Variants in CALCR observed in about 807,000 individuals in gnomAD.
The protein encoded by CALCR is calcitonin receptor.
In CALCR, 47 loss-of-function variants were observed where a neutral mutation model predicts 59.5. The ratio of observed to expected loss-of-function variants is 0.79; its 90% CI spans 0.63 to 1.01. The LOEUF (loss-of-function observed/expected upper bound fraction) is 1.01, where lower values mean the gene tolerates loss of function less well. CALCR is among the 50% of genes least tolerant of loss of function. The pLI is 0.00. For synonymous variants in CALCR, 213 were observed against 211.3 expected (o/e 1.01, Z -0.07); for missense variants, 566 against 597.1 (o/e 0.95, Z 0.54).
At chr7:93,564,709 C>G (rs1789822629) in intron 2 of CALCR, among the ~76,000 whole-genome samples, 1 of 151,912 alleles carries the variant, frequency 6.6e-6, no homozygotes, top group Non-Finnish European at 1.5e-5. Flanking sequence ...CTGCCTCAGC[C>G]TCCCAAAATA....
chr7:93,458,646 G>A (rs1169893189), intron 8 of CALCR, among the ~76,000 whole-genome samples: 4 of 152,058 alleles, frequency 2.6e-5, no homozygotes, highest in African/African-American at 9.7e-5. Context: ...CCTTTTGTGG[G>A]GTTGCCATAG....
chr7:93,521,246 C>T (rs1017192340), intron 2 of CALCR, among the ~76,000 whole-genome samples: 7 of 151,996 alleles, frequency 4.6e-5, no homozygotes, highest in Non-Finnish European at 1.0e-4. Context: ...CTGGGTGGAC[C>T]GTACCTCTGT....
At chr7:93,505,887 G>T (rs150915013) in intron 2 of CALCR, among the ~76,000 whole-genome samples, 22 of 152,276 alleles carry the variant, frequency 1.4e-4, no homozygotes, top group African/African-American at 5.1e-4. Context: ...CAGGTAACAA[G>T]GTGCCAGCTA....
At chr7:93,555,935 A>T (rs139382328) in intron 2 of CALCR, among the ~76,000 whole-genome samples, 1 of 152,334 alleles carries the variant, frequency 6.6e-6, no homozygotes, top group Non-Finnish European at 1.5e-5. Context: ...TAGAACAATA[A>T]TGAAAAGAGT....
At chr7:93,437,305 G>T (rs1274557442) in intron 11 of CALCR, among the ~76,000 whole-genome samples, 1 of 151,940 alleles carries the variant, frequency 6.6e-6, no homozygotes, top group Admixed American at 6.6e-5. Flanking sequence ...TTTATTAGGA[G>T]ATATTTTATA....
At chr7:93,511,998 C>G (rs942058001) in intron 2 of CALCR, among the ~76,000 whole-genome samples, 1 of 152,086 alleles carries the variant, frequency 6.6e-6, no homozygotes, top group Non-Finnish European at 1.5e-5. Context: ...CATAAATCCG[C>G]CCAGTTTTAA....
At chr7:93,518,280 A>T (rs1231357444) in intron 2 of CALCR, among the ~76,000 whole-genome samples, 1 of 151,790 alleles carries the variant, frequency 6.6e-6, no homozygotes, top group Non-Finnish European at 1.5e-5. Flanking sequence ...TATTCACAAC[A>T]TATGTGACAG....
At chr7:93,435,721 G>A (rs1476215267) in intron 12 of CALCR, among the ~76,000 whole-genome samples, 1 of 151,868 alleles carries the variant, frequency 6.6e-6, no homozygotes, top group East Asian at 1.9e-4. Context: ...TGGGAGAATT[G>A]CTTGAGCCCG....
At chr7:93,532,711 C>CA in intron 2 of CALCR, among the ~76,000 whole-genome samples, 1 of 151,598 alleles carries the variant, frequency 6.6e-6, no homozygotes, top group Admixed American at 6.6e-5. Flanking sequence ...AGATTGTGGC[C>CA]TATGGAAGCA....
chr7:93,498,496 CG>C (rs1279404630), intron 2 of CALCR, among the ~76,000 whole-genome samples: 2 of 151,602 alleles, frequency 1.3e-5, no homozygotes, highest in Non-Finnish European at 3.0e-5. Context: ...TTTATAGTAT[CG>C]GAACTCTAAT....
chr7:93,472,312 G>C (rs977846814), intron 6 of CALCR, 63 bp downstream of exon 6: 6 of 947,130 alleles, frequency 6.3e-6, no homozygotes, highest in African/African-American at 3.3e-5. Context: ...ACAGTTATGC[G>C]TCCATTTCCT....
At chr7:93,430,730 T>C (rs531330537) in intron 13 of CALCR, among the ~76,000 whole-genome samples, 2 of 152,252 alleles carry the variant, frequency 1.3e-5, no homozygotes, top group East Asian at 1.9e-4. Context: ...CCTGGGAACT[T>C]GGTTAGAAAT....
intron 3 of CALCR, among the ~76,000 whole-genome samples, chr7:93,484,763 C>T (rs1228128653): frequency 1.3e-5 from 2 of 151,682 alleles, no homozygotes; most frequent in African/African-American, 2.4e-5. Flanking sequence ...CTCTGAAGAA[C>T]CTAATTTTTA....
intron 13 of CALCR, among the ~76,000 whole-genome samples, chr7:93,428,534 C>T (rs1434686488): frequency 6.6e-6 from 1 of 152,212 alleles, no homozygotes; most frequent in African/African-American, 2.4e-5. Flanking sequence ...GTCGTGGTGG[C>T]TCATGCCTGT....
In CALCR at chr7:93,426,466, G is replaced by A. The variant is rs769266772; in HGVS notation, c.1315C>T (p.Pro439Ser). The A allele has an allele frequency of 6.2e-7, 1 of 1,613,730 alleles. No homozygotes were observed. The highest frequency in any genetic ancestry group is 8.5e-7 in the Non-Finnish European group (1 of 1,179,778). The change falls in exon 14 of 14, where the codon CCA becomes TCA. Residue 439 changes from proline (P) to serine (S), a missense_variant. By Grantham distance (74) the Pro-to-Ser change is moderately conservative. Transcript: ENST00000426151. The part of the protein sequence containing the change: ...AAAAAEAGDI[P>S]IYICHQELRN... ...AGCTCCTGATGGCAGATGTAAATTG[G>A]GATGTCGCCAGCCTCCGCAGCAGCG...
At chr7:93,491,954 A>G (rs1229878987) in intron 2 of CALCR, among the ~76,000 whole-genome samples, 2 of 151,990 alleles carry the variant, frequency 1.3e-5, no homozygotes, top group African/African-American at 4.8e-5. Context: ...ATGCACACGT[A>G]TGTTTATTGC....
chr7:93,536,994 A>T (rs553687808), intron 2 of CALCR, among the ~76,000 whole-genome samples: 4 of 151,948 alleles, frequency 2.6e-5, no homozygotes, highest in African/African-American at 7.2e-5. Context: ...TTTAGAAAAA[A>T]CATAAATATC....
intron 8 of CALCR, among the ~76,000 whole-genome samples, chr7:93,448,551 T>C (rs1800048667): frequency 6.6e-6 from 1 of 151,964 alleles, no homozygotes; most frequent in Non-Finnish European, 1.5e-5. Context: ...AGAAGTTACC[T>C]TCCGGTGGGG....
chr7:93,429,853 TAA>T (rs35317327), intron 13 of CALCR, among the ~76,000 whole-genome samples: 114 of 139,410 alleles, frequency 8.2e-4, no homozygotes, highest in African/African-American at 2.2e-3. Context: ...AAATCATGAT[TAA>T]AAAAAAAAAA....
Sources: gnomAD v4.1 joint callset for allele counts (sites outside exome capture counted in the v4.1 genomes callset) on GRCh38, gnomAD v4.1.1 for gene constraint, MANE v1.5 for transcripts, NCBI Gene and HGNC (gene_info 2026-07-23, HGNC 2026-07-21) for gene names.